ATAD2B: variants seen among roughly 807,000 people sequenced by gnomAD.
ATAD2B encodes the protein ATPase family AAA domain-containing protein 2B.
A neutral mutation model predicts 167.6 loss-of-function variants in ATAD2B; 40 were observed. The observed-to-expected ratio is 0.24, with a 90% confidence interval of 0.19 to 0.31. The LOEUF (loss-of-function observed/expected upper bound fraction) is 0.31, where lower values mean the gene tolerates loss of function less well. Among genes scored for constraint, ATAD2B ranks in the 10% least tolerant of loss-of-function variants. The probability of loss-of-function intolerance (pLI) is 1.00; values close to 1 mark genes in which losing one functional copy is unlikely to be tolerated. For synonymous variants in ATAD2B, 579 were observed against 596.5 expected, an observed-to-expected ratio of 0.97 and a Z score of 0.43; for missense variants, 1,242 against 1,757.2, an observed-to-expected ratio of 0.71 and a Z score of 5.24.
intron 9 of ATAD2B, 31 bp downstream of exon 9, chr2:23,869,632 C>G: frequency 1.4e-6 from 2 of 1,449,054 alleles, no homozygotes; most frequent in African/African-American, 2.8e-5. Flanking sequence ...CTTTTTTCTA[C>G]CATGGAAATA....
the ATAD2B span, among the ~76,000 whole-genome samples, chr2:23,705,297 C>A: frequency 6.6e-6 from 1 of 152,274 alleles, no homozygotes; most frequent in Non-Finnish European, 1.5e-5. Flanking sequence ...TCAAGACCAG[C>A]CTGACCAACA....
chr2:23,797,416 G>C (rs974794872), intron 19 of ATAD2B, among the ~76,000 whole-genome samples: 1 of 151,982 alleles, frequency 6.6e-6, no homozygotes, highest in Non-Finnish European at 1.5e-5. Context: ...TGAAAAATAC[G>C]TGTATTAGTA....
At chr2:23,779,602 A>C (rs568979873) in intron 22 of ATAD2B, among the ~76,000 whole-genome samples, 1 of 152,340 alleles carries the variant, frequency 6.6e-6, no homozygotes, top group Non-Finnish European at 1.5e-5. Flanking sequence ...GAAATAATTA[A>C]GAATCAACAT....
At chr2:23,747,786 T>C (rs932417027), downstream of ATAD2B, among the ~76,000 whole-genome samples, 3 of 152,114 alleles carry the variant, frequency 2.0e-5, no homozygotes, top group African/African-American at 7.2e-5. Flanking sequence ...AGAGGGAATG[T>C]ATATATTTTT....
In ATAD2B at chr2:23,751,882, G is replaced by C; in HGVS notation, c.*164C>G. 1 of 617,978 alleles carries C rather than the reference G, an allele frequency of 1.6e-6. No individual in the cohort carries two copies. Among genetic ancestry groups the C allele is most frequent in the South Asian group, 2.1e-5 (1 of 47,216 alleles). The allele number at this position is 617,978 out of a possible 1,614,324, so 38.3% of individuals were successfully genotyped here. A position where few individuals can be genotyped will look rare whatever the true frequency, so the allele number is the denominator to read the frequency against. The stretch of plus-strand genomic sequence containing the variant: ...GTTCTTGTAGGCTGGTTGGTTTCAG[G>C]TACCTGAGACAATAGCACCAAATTC... On this transcript the variant is annotated 3_prime_UTR_variant, in exon 28 of 28. Transcript: ENST00000238789.
At chr2:23,879,425 C>G (rs913795727) in intron 7 of ATAD2B, among the ~76,000 whole-genome samples, 1 of 151,968 alleles carries the variant, frequency 6.6e-6, no homozygotes, top group Non-Finnish European at 1.5e-5. Context: ...CTCGGCAACA[C>G]AGCAAGATCC....
intron 1 of ATAD2B, among the ~76,000 whole-genome samples, chr2:23,907,422 G>C (rs1380630528): frequency 1.3e-5 from 2 of 151,966 alleles, no homozygotes; most frequent in African/African-American, 4.8e-5. Flanking sequence ...GGATGTGAAG[G>C]ACCTCTTCAA....
At chr2:23,693,205 A>G in the ATAD2B span, 3 of 1,494,008 alleles carry the variant, frequency 2.0e-6, no homozygotes, top group Non-Finnish European at 2.7e-6. Flanking sequence ...GGTGACAGCA[A>G]TGGGAACAGG....
intron 1 of ATAD2B, 21 bp from the exon 2 acceptor site, chr2:23,895,991 T>C: frequency 1.9e-6 from 3 of 1,589,880 alleles, no homozygotes; most frequent in Non-Finnish European, 1.7e-6. Context: ...ATGTTAAAAA[T>C]GTATTTATTA....
At chr2:23,742,427 T>C in the ATAD2B span, among the ~76,000 whole-genome samples, 1 of 151,536 alleles carries the variant, frequency 6.6e-6, no homozygotes. Flanking sequence ...AACTGGAAAC[T>C]ATCATTCTCA....
At chr2:23,752,680 T>A (rs930145534) in intron 27 of ATAD2B, among the ~76,000 whole-genome samples, 25 of 152,052 alleles carry the variant, frequency 1.6e-4, no homozygotes, top group African/African-American at 5.6e-4. Flanking sequence ...GACTGAGCCC[T>A]TCCTTCCTCA....
chr2:23,808,204 A>C (rs1318389722), intron 18 of ATAD2B, among the ~76,000 whole-genome samples: 1 of 107,084 alleles, frequency 9.3e-6, no homozygotes, highest in Non-Finnish European at 2.1e-5. Flanking sequence ...TATTTATATA[A>C]AAATATATAT....
At chr2:23,701,929 T>C in the ATAD2B span, among the ~76,000 whole-genome samples, 1 of 150,812 alleles carries the variant, frequency 6.6e-6, no homozygotes, top group Non-Finnish European at 1.5e-5. Flanking sequence ...GCCGGGTAGC[T>C]GGGTAGCTGG....
the ATAD2B span, among the ~76,000 whole-genome samples, chr2:23,687,647 G>A: frequency 6.6e-6 from 1 of 152,176 alleles, no homozygotes; most frequent in Middle Eastern, 3.2e-3. Context: ...GCCTGGCTGT[G>A]GGGGAGGGTC....
In ATAD2B at chr2:23,762,261, G is replaced by C. The variant is rs374689570; in HGVS notation, c.3342C>G (p.His1114Gln). The C allele has an allele frequency of 6.2e-7, 1 of 1,613,342 alleles. No homozygotes were observed. The highest frequency in any genetic ancestry group is 8.5e-7 in the Non-Finnish European group (1 of 1,179,718). The change falls in exon 24 of 28, where the codon CAC becomes CAG. Residue 1114 changes from histidine (H) to glutamine (Q), a missense_variant. By Grantham distance (24) the His-to-Gln change is conservative. This residue lies in a region of ATAD2B where 204 missense variants were observed against 324.0 expected (regional missense o/e 0.63). Transcript: ENST00000238789. The stretch of plus-strand genomic sequence containing the variant: ...ACACATCCATTGGATTTCTTTGTTT[G>C]TGCCGAAATGCCTCTTCGACTCTAG... ...TETRVEEAFRHKQRNPMDVWH... is the reference protein window; with the variant it reads ...TETRVEEAFRQKQRNPMDVWH...
chr2:23,885,578 G>A, intron 5 of ATAD2B, 149 bp downstream of exon 5: 1 of 534,560 alleles, frequency 1.9e-6, no homozygotes. Context: ...AAAGAAACAA[G>A]CAAGCAATAA....
chr2:23,832,802 A>G (rs368425535), intron 14 of ATAD2B, among the ~76,000 whole-genome samples: 1 of 152,208 alleles, frequency 6.6e-6, no homozygotes, highest in African/African-American at 2.4e-5. Flanking sequence ...GCTGTGTCTC[A>G]GAACTAAGCA....
At chr2:23,800,561 T>G (rs6712175) in intron 18 of ATAD2B, among the ~76,000 whole-genome samples, 18,191 of 152,062 alleles carry the variant, frequency 0.12, 1,159 homozygotes, top group Middle Eastern at 0.22. Context: ...GCTCTAAGAG[T>G]TGAGGTTTGT....
chr2:23,855,485 C>T (rs1362044383), intron 13 of ATAD2B, among the ~76,000 whole-genome samples: 3 of 152,190 alleles, frequency 2.0e-5, no homozygotes, highest in East Asian at 1.9e-4. Flanking sequence ...AATTATCATA[C>T]GTTATAGGAA....
Sources: allele counts gnomAD v4.1 joint callset (sites outside exome capture counted in the v4.1 genomes callset), GRCh38; gene constraint gnomAD v4.1.1; regional missense constraint gnomAD v4.1.1; transcripts MANE v1.5; gene names NCBI Gene and HGNC (gene_info 2026-07-23, HGNC 2026-07-21).